EPS8: variants seen among roughly 807,000 people sequenced by gnomAD.
The protein encoded by EPS8 is epidermal growth factor receptor kinase substrate 8.
Under a neutral mutation model 103.8 loss-of-function variants are expected in EPS8, and 42 were observed. The observed-to-expected ratio is 0.40, with a 90% confidence interval of 0.32 to 0.52. The LOEUF is 0.52. Ranked by LOEUF, EPS8 falls within the 20% of genes least tolerant of loss-of-function variation. The probability of loss-of-function intolerance (pLI) is 0.40; values close to 1 mark genes in which losing one functional copy is unlikely to be tolerated. For missense variants in EPS8, 969 were observed against 1,005.1 expected (o/e 0.96, Z 0.49); for synonymous variants, 344 against 344.6 (o/e 1.00, Z 0.02).
chr12:15,694,511 G>C (rs991212661), intron 1 of EPS8, among the ~76,000 whole-genome samples: 1 of 152,150 alleles, frequency 6.6e-6, no homozygotes, highest in Admixed American at 6.6e-5. Flanking sequence ...AACAGAGTTA[G>C]GTGCCTAAAT....
intron 3 of EPS8, among the ~76,000 whole-genome samples, chr12:15,680,312 G>T (rs1945982569): frequency 6.6e-6 from 1 of 152,078 alleles, no homozygotes; most frequent in Non-Finnish European, 1.5e-5. Context: ...AAATGCTGTT[G>T]GTTCCTATAG....
At chr12:15,740,371 C>A (rs1591911013) in intron 1 of EPS8, among the ~76,000 whole-genome samples, 1 of 151,706 alleles carries the variant, frequency 6.6e-6, no homozygotes, top group Non-Finnish European at 1.5e-5. Flanking sequence ...ATGGTGAAAC[C>A]CCGTCTCTAC....
At chr12:15,647,619 A>T (rs1476852151) in intron 14 of EPS8, among the ~76,000 whole-genome samples, 1 of 152,224 alleles carries the variant, frequency 6.6e-6, no homozygotes, top group African/African-American at 2.4e-5. Context: ...TATTTTCAAT[A>T]TTTTTAAAAT....
rs1043928641 is a variant in EPS8, at chr12:15,717,705, A to C, written c.-21-34733T>G. ...TCCAGAAGTTATTTAGAAGAGTGAG[A>C]CCATACTTAAATTAAGTGTATAGAT... On this transcript the variant is annotated intron_variant, in intron 1 of 20. Transcript: ENST00000281172. This position sits in a 1 kb window ranked among gnomAD's most constrained non-coding sequence, Gnocchi z 4.3. Among the ~76,000 whole-genome samples the C allele has an allele frequency of 1.3e-5, 2 of 152,216 alleles. No homozygotes were observed. Among genetic ancestry groups the C allele is most frequent in the Non-Finnish European group, 2.9e-5 (2 of 68,044 alleles).
chr12:15,679,664 C>T (rs1047203494), intron 3 of EPS8, among the ~76,000 whole-genome samples: 1 of 152,188 alleles, frequency 6.6e-6, no homozygotes, highest in African/African-American at 2.4e-5. Context: ...GATCAACCCT[C>T]ACCAGTGCAC....
intron 14 of EPS8, among the ~76,000 whole-genome samples, chr12:15,650,621 T>G (rs1391218861): frequency 6.6e-6 from 1 of 151,940 alleles, no homozygotes; most frequent in African/African-American, 2.4e-5. Flanking sequence ...TGGGTTGGGG[T>G]TGGGCTTCAC....
intron 1 of EPS8, among the ~76,000 whole-genome samples, chr12:15,685,809 A>T (rs2135899289): frequency 6.6e-6 from 1 of 152,322 alleles, no homozygotes; most frequent in South Asian, 2.1e-4. Flanking sequence ...TTTAAGACAT[A>T]CCCAGTTTAT....
At chr12:15,715,052 T>G (rs1282918432) in intron 1 of EPS8, among the ~76,000 whole-genome samples, 1 of 152,202 alleles carries the variant, frequency 6.6e-6, no homozygotes, top group Non-Finnish European at 1.5e-5. Context: ...CTTTCAGGAC[T>G]GAAGGACTGA....
At chr12:15,766,853 AATCACTCAGTC>A (rs1947104269) in intron 1 of EPS8, among the ~76,000 whole-genome samples, 1 of 152,160 alleles carries the variant, frequency 6.6e-6, no homozygotes, top group Non-Finnish European at 1.5e-5. Flanking sequence ...AATAAGCCAA[AATCACTCAGTC>A]ATTACTACCA....
intron 7 of EPS8, 128 bp from the exon 8 acceptor site, chr12:15,666,020 A>G: frequency 1.1e-6 from 1 of 952,094 alleles, no homozygotes. Flanking sequence ...AGGATTTCCT[A>G]AGCATTACAC....
chr12:15,773,299 CTAA>C (rs1947173666), intron 1 of EPS8, among the ~76,000 whole-genome samples: 1 of 152,114 alleles, frequency 6.6e-6, no homozygotes, highest in African/African-American at 2.4e-5. Flanking sequence ...AAATTACATT[CTAA>C]TGTTATTAAT....
At chr12:15,707,658 C>T (rs1376203284) in intron 1 of EPS8, among the ~76,000 whole-genome samples, 1 of 152,064 alleles carries the variant, frequency 6.6e-6, no homozygotes. Context: ...GAGCGTATTA[C>T]TACTAGTGAT....
chr12:15,634,206 C>T (rs1447352295), intron 17 of EPS8, among the ~76,000 whole-genome samples: 3 of 152,200 alleles, frequency 2.0e-5, no homozygotes, highest in Admixed American at 2.0e-4. Context: ...CCTCAGACTC[C>T]CCAGCTGGGA....
rs141111953 is a variant in EPS8 at position 15,746,460 on chromosome 12, C to T, written c.-22+42701G>A. 1.2e-4 allele frequency among the ~76,000 whole-genome samples: 18 copies of T among 151,986 alleles called. No individual in the cohort carries two copies. The East Asian group carries it at 3.5e-3, about 29-fold the overall frequency. ...CATTGATGACTCCATCATCACATGT[C>T]TGGATAATCAAAATGAGCTTAACTG... On this transcript the variant is annotated intron_variant, in intron 1 of 20. Transcript: ENST00000281172.
At chr12:15,675,875 T>C (rs1308542576) in intron 3 of EPS8, among the ~76,000 whole-genome samples, 2 of 152,298 alleles carry the variant, frequency 1.3e-5, no homozygotes, top group Non-Finnish European at 2.9e-5. Flanking sequence ...GAACATAGAA[T>C]AATACCCACA....
chr12:15,714,539 G>A lies in EPS8; in HGVS notation c.-21-31567C>T, dbSNP rs571459060. Among the ~76,000 whole-genome samples the A allele has an allele frequency of 1.1e-4, 17 of 152,244 alleles. No homozygotes were observed. In the East Asian group the frequency reaches 3.3e-3, roughly 30 times the overall value. ...CACCAGCAGTCCTAGATGCTCATGA[G>A]GCTGAGACAGGAGAACTGCTTGAGC... On this transcript the variant is annotated intron_variant, in intron 1 of 20. Coordinates refer to ENST00000281172, the MANE Select transcript of EPS8 (RefSeq NM_004447.6). The surrounding 1 kb of genome is among the most constrained non-coding windows in gnomAD (Gnocchi z 4.1).
chr12:15,691,521 A>G (rs766085346), intron 1 of EPS8, among the ~76,000 whole-genome samples: 3 of 152,180 alleles, frequency 2.0e-5, no homozygotes, highest in Non-Finnish European at 4.4e-5. Flanking sequence ...CTAGGGCTGG[A>G]AGCGGGAGAC....
intron 1 of EPS8, among the ~76,000 whole-genome samples, chr12:15,712,149 T>C (rs1946474135): frequency 6.6e-6 from 1 of 152,212 alleles, no homozygotes; most frequent in Non-Finnish European, 1.5e-5. Flanking sequence ...ATCATAATTA[T>C]AAAATTGAAT....
rs1946209532 is a variant in EPS8, at chr12:15,693,987, A to G, written c.-21-11015T>C. Among the ~76,000 whole-genome samples the G allele has an allele frequency of 6.6e-6, 1 of 152,192 alleles. No individual in the cohort carries two copies. Among genetic ancestry groups the G allele is most frequent in the Admixed American group, 6.5e-5 (1 of 15,274 alleles). ...GGTGATGGGTTGACAGGGGCAGCAA[A>G]CCACAATGGAACACGTATACCTATG... On this transcript the variant is annotated intron_variant, in intron 1 of 20. Coordinates refer to ENST00000281172, the MANE Select transcript of EPS8 (RefSeq NM_004447.6). This position sits in a 1 kb window ranked among gnomAD's most constrained non-coding sequence, Gnocchi z 5.6.
Sources: gnomAD v4.1 joint callset for allele counts (sites outside exome capture counted in the v4.1 genomes callset) on GRCh38, gnomAD v4.1.1 for gene constraint, Gnocchi (gnomAD v3.1) non-coding constraint, MANE v1.5 for transcripts, NCBI Gene and HGNC (gene_info 2026-07-23, HGNC 2026-07-21) for gene names.